Variants in NSMCE2 observed in about 807,000 individuals in gnomAD.
The protein encoded by NSMCE2 is NSE2 SUMO ligase component of SMC5/6 complex, also known as E3 SUMO-protein ligase NSE2.
Under a neutral mutation model 23.8 loss-of-function variants are expected in NSMCE2, and 24 were observed. The ratio of observed to expected loss-of-function variants is 1.01; its 90% CI spans 0.73 to 1.42. The LOEUF is 1.42. Ranked by LOEUF, NSMCE2 falls within the 40% of genes most tolerant of loss-of-function variation. The pLI is 0.00. For missense variants in NSMCE2, 284 were observed against 296.5 expected (o/e 0.96, Z 0.31); for synonymous variants, 92 against 94.1 (o/e 0.98, Z 0.13).
In NSMCE2 at chr8:125,283,655, A is replaced by G. The variant is rs535347359; in HGVS notation, c.419-73564A>G. On this transcript the variant is annotated intron_variant, in intron 5 of 7. Transcript: ENST00000287437. ...GATAACATGAAGATGAAATGCAATT[A>G]TGTATCAAGACACATAAAGCAATGC... Among the ~76,000 whole-genome samples the G allele has an allele frequency of 4.0e-4, 61 of 152,372 alleles. 1 individual carries two copies. Among genetic ancestry groups the G allele is most frequent in the Admixed American group, 3.3e-3 (50 of 15,304 alleles).
chr8:125,290,297 G>A (rs1170436641), intron 5 of NSMCE2, among the ~76,000 whole-genome samples: 3 of 152,060 alleles, frequency 2.0e-5, no homozygotes, highest in Non-Finnish European at 4.4e-5. Flanking sequence ...CTAATACAAG[G>A]TAGCGGTAGC....
intron 5 of NSMCE2, among the ~76,000 whole-genome samples, chr8:125,308,698 T>C (rs1440691001): frequency 6.6e-6 from 1 of 152,210 alleles, no homozygotes; most frequent in East Asian, 1.9e-4. Flanking sequence ...AAATTGCTTT[T>C]ATTGGGAAGC....
intron 3 of NSMCE2, among the ~76,000 whole-genome samples, chr8:125,128,311 A>C (rs954355893): frequency 3.3e-5 from 5 of 152,204 alleles, no homozygotes; most frequent in Non-Finnish European, 7.3e-5. Context: ...AGGTTGTTGT[A>C]GTAGTTCCCA....
At chr8:125,203,106 CA>C (rs1281809943) in intron 5 of NSMCE2, among the ~76,000 whole-genome samples, 6 of 151,536 alleles carry the variant, frequency 4.0e-5, no homozygotes, top group African/African-American at 1.5e-4. Flanking sequence ...GCCTTTAATA[CA>C]GTAGGGATTC....
intron 3 of NSMCE2, among the ~76,000 whole-genome samples, chr8:125,134,476 T>C (rs1250492989): frequency 6.6e-6 from 1 of 152,184 alleles, no homozygotes; most frequent in Non-Finnish European, 1.5e-5. Context: ...AGATATGCAA[T>C]GGTATCTTAT....
intron 4 of NSMCE2, among the ~76,000 whole-genome samples, chr8:125,161,296 C>CT (rs1292852149): frequency 2.0e-5 from 3 of 151,412 alleles, no homozygotes; most frequent in Non-Finnish European, 2.9e-5. Flanking sequence ...TCTGGACTTC[C>CT]TTTTTTAAAA....
At chr8:125,251,647 A>G (rs1379678368) in intron 5 of NSMCE2, among the ~76,000 whole-genome samples, 1 of 152,228 alleles carries the variant, frequency 6.6e-6, no homozygotes, top group African/African-American at 2.4e-5. Flanking sequence ...AAAAATAGCA[A>G]CCACTTATTG....
At chr8:125,096,994 C>A (rs1197641748) in intron 1 of NSMCE2, among the ~76,000 whole-genome samples, 1 of 151,970 alleles carries the variant, frequency 6.6e-6, no homozygotes, top group Non-Finnish European at 1.5e-5. Flanking sequence ...GTTTTTTGAT[C>A]CTGGTTTTTC....
Position 125,169,951 on chromosome 8 carries a change from G to A in NSMCE2, c.265-12152G>A, listed in dbSNP as rs575445547. Among the ~76,000 whole-genome samples, 76 of 151,016 alleles carry A rather than the reference G, an allele frequency of 5.0e-4. 1 individual carries two copies. The highest frequency in any genetic ancestry group is 3.5e-4 in the Non-Finnish European group (24 of 67,854). Reference sequence around the variant, plus strand: ...GCTTTTTTTTTTTCATTTCCAAATAGCTGACTCTTTCTTACTCTCCACAGA... The same window carrying A: ...GCTTTTTTTTTTTCATTTCCAAATAACTGACTCTTTCTTACTCTCCACAGA... On this transcript the variant is annotated intron_variant, in intron 4 of 7. Coordinates refer to ENST00000287437, the MANE Select transcript of NSMCE2 (RefSeq NM_173685.4).
At chr8:125,333,442 G>A (rs1477181645) in intron 5 of NSMCE2, among the ~76,000 whole-genome samples, 8 of 145,852 alleles carry the variant, frequency 5.5e-5, no homozygotes, top group Non-Finnish European at 1.0e-4. Context: ...GAGTCACTGA[G>A]ATTACAGGTG....
intron 5 of NSMCE2, among the ~76,000 whole-genome samples, chr8:125,290,012 T>A (rs1828045871): frequency 6.6e-6 from 1 of 152,228 alleles, no homozygotes; most frequent in Non-Finnish European, 1.5e-5. Flanking sequence ...AGAATGTTGG[T>A]CTTTGATGTT....
chr8:125,134,960 T>C lies in NSMCE2; in HGVS notation c.158-16211T>C, dbSNP rs1819988404. On this transcript the variant is annotated intron_variant, in intron 3 of 7. Coordinates refer to ENST00000287437, the MANE Select transcript of NSMCE2 (RefSeq NM_173685.4). ...TCTCACTCTGTCACTCAGGCTGGAG[T>C]GCAGTGGCTCAATATTGGCTTATTG... Among the ~76,000 whole-genome samples, 3 of 152,232 alleles carry C rather than the reference T, an allele frequency of 2.0e-5. No homozygotes were observed. The South Asian group carries it at 6.2e-4, about 32-fold the overall frequency.
chr8:125,152,526 T>C (rs569509769), intron 4 of NSMCE2, among the ~76,000 whole-genome samples: 28 of 152,344 alleles, frequency 1.8e-4, no homozygotes, highest in African/African-American at 6.7e-4. Context: ...GTCAAGTGTT[T>C]ACTGCCAAAG....
intron 5 of NSMCE2, among the ~76,000 whole-genome samples, chr8:125,281,490 AGTGCAGTG>A (rs2131127560): frequency 6.6e-6 from 1 of 151,592 alleles, no homozygotes; most frequent in Admixed American, 6.6e-5. Context: ...CCCAGGTTGG[AGTGCAGTG>A]GCACAATCTC....
At chr8:125,213,707 C>CCCTTCCTTCCTTCCTTATTTCCTT (rs1824457043) in intron 5 of NSMCE2, among the ~76,000 whole-genome samples, 1 of 123,330 alleles carries the variant, frequency 8.1e-6, no homozygotes, top group Non-Finnish European at 1.6e-5. Context: ...TTCCCTCCCT[C>CCCTTCCTTCCTTCCTTATTTCCTT]CCTTCCTTCC....
chr8:125,309,810 A>G (rs532454592), intron 5 of NSMCE2, among the ~76,000 whole-genome samples: 179 of 152,352 alleles, frequency 1.2e-3, no homozygotes, highest in African/African-American at 4.0e-3. Flanking sequence ...AGTTTTTAGT[A>G]GCTTCAGTAG....
At chr8:125,282,518 T>C (rs933970215) in intron 5 of NSMCE2, among the ~76,000 whole-genome samples, 1 of 152,256 alleles carries the variant, frequency 6.6e-6, no homozygotes, top group South Asian at 2.1e-4. Context: ...GCATCGCATA[T>C]TTACCTCTGC....
intron 3 of NSMCE2, chr8:125,130,473 A>T (rs1819718840): frequency 5.0e-6 from 1 of 199,974 alleles, no homozygotes; most frequent in Admixed American, 5.4e-5. Context: ...TATCTACATA[A>T]ATTATTTGAA....
intron 5 of NSMCE2, among the ~76,000 whole-genome samples, chr8:125,257,568 C>T (rs1826493487): frequency 8.3e-6 from 1 of 119,796 alleles, no homozygotes; most frequent in South Asian, 2.9e-4. Context: ...GAGTCTCGCT[C>T]TGTCGCCCAG....
Sources: gnomAD v4.1 joint callset for allele counts (sites outside exome capture counted in the v4.1 genomes callset) on GRCh38, gnomAD v4.1.1 for gene constraint, MANE v1.5 for transcripts, NCBI Gene and HGNC (gene_info 2026-07-23, HGNC 2026-07-21) for gene names.